Variants in SEMA3E observed in about 807,000 individuals in gnomAD.
SEMA3E encodes semaphorin 3E.
In SEMA3E, 49 loss-of-function variants were observed where a neutral mutation model predicts 93.6. The observed-to-expected ratio is 0.52, with a 90% confidence interval of 0.42 to 0.66. The LOEUF is 0.66. Among genes scored for constraint, SEMA3E ranks in the 30% least tolerant of loss-of-function variants. The pLI, the probability that SEMA3E is intolerant of heterozygous loss-of-function variation, is 0.00. For missense variants in SEMA3E, 906 were observed against 964.8 expected, an observed-to-expected ratio of 0.94 and a Z score of 0.81; for synonymous variants, 363 against 330.7, an observed-to-expected ratio of 1.10 and a Z score of -1.06.
chr7:83,526,575 T>C (rs1791165016), intron 1 of SEMA3E, among the ~76,000 whole-genome samples: 1 of 152,086 alleles, frequency 6.6e-6, no homozygotes, highest in Non-Finnish European at 1.5e-5. Context: ...GGAGATTCCA[T>C]GGAACAAATC....
In SEMA3E at chr7:83,648,517, GTGATAA is replaced by G; in HGVS notation, c.20_25del (p.Ile7_Ile8del). The G allele has an allele frequency of 6.2e-7, 1 of 1,613,484 alleles. No homozygotes were observed. Among genetic ancestry groups the G allele is most frequent in the East Asian group, 2.2e-5 (1 of 44,802 alleles). ...CAGTAAGTAACCCCACAGGAGCAAG[GTGATAA>G]TGTGCCCCGCGGATGCCATGCTGCC... is the stretch of plus-strand genomic sequence containing the variant. On this transcript the variant is annotated inframe_deletion, in exon 1 of 17. Coordinates refer to ENST00000643230, the MANE Select transcript of SEMA3E (RefSeq NM_012431.3).
At chr7:83,439,545 T>C (rs764196800) in intron 4 of SEMA3E, among the ~76,000 whole-genome samples, 3 of 152,322 alleles carry the variant, frequency 2.0e-5, no homozygotes, top group Non-Finnish European at 2.9e-5. Flanking sequence ...TCTTATACAG[T>C]TAAAGAAGAA....
intron 4 of SEMA3E, among the ~76,000 whole-genome samples, chr7:83,437,341 T>C (rs547240047): frequency 1.2e-4 from 18 of 152,158 alleles, no homozygotes; most frequent in African/African-American, 4.3e-4. Context: ...ACAATTAAAG[T>C]AATTAAAAAA....
At chr7:83,563,349 C>T (rs1792076645) in intron 1 of SEMA3E, among the ~76,000 whole-genome samples, 1 of 152,126 alleles carries the variant, frequency 6.6e-6, no homozygotes, top group South Asian at 2.1e-4. Context: ...TATTATTTTG[C>T]CATTGCTTTA....
At chr7:83,375,533 A>G (rs902211238) in intron 16 of SEMA3E, among the ~76,000 whole-genome samples, 1 of 152,232 alleles carries the variant, frequency 6.6e-6, no homozygotes, top group East Asian at 1.9e-4. Flanking sequence ...CTTCATGCAC[A>G]CGCATATTTT....
At chr7:83,593,712 T>C (rs1792808837) in intron 1 of SEMA3E, among the ~76,000 whole-genome samples, 1 of 151,890 alleles carries the variant, frequency 6.6e-6, no homozygotes, top group Non-Finnish European at 1.5e-5. Context: ...ATTTGGGCAG[T>C]CAAGGTTTAT....
intron 1 of SEMA3E, among the ~76,000 whole-genome samples, chr7:83,560,141 GAT>G (rs796094248): frequency 1.3e-5 from 2 of 152,076 alleles, no homozygotes; most frequent in African/African-American, 4.8e-5. Context: ...TAACACAATG[GAT>G]ATATGTCATC....
chr7:83,548,047 C>T (rs968662187), intron 1 of SEMA3E, among the ~76,000 whole-genome samples: 1 of 152,080 alleles, frequency 6.6e-6, no homozygotes. Context: ...AAGGTGGGCA[C>T]ATGAACCAGA....
chr7:83,417,971 T>C (rs952739007), intron 5 of SEMA3E, among the ~76,000 whole-genome samples: 16 of 152,158 alleles, frequency 1.1e-4, no homozygotes, highest in Non-Finnish European at 1.5e-5. Flanking sequence ...TGAATTCTAC[T>C]AATAACAGAG....
chr7:83,369,936 T>A (rs1364668059), intron 16 of SEMA3E, among the ~76,000 whole-genome samples: 1 of 152,146 alleles, frequency 6.6e-6, no homozygotes, highest in Non-Finnish European at 1.5e-5. Context: ...TGTTTTAAAA[T>A]TTATCGCTGC....
chr7:83,368,534 G>T (rs2116893359), intron 16 of SEMA3E, among the ~76,000 whole-genome samples: 1 of 152,170 alleles, frequency 6.6e-6, no homozygotes, highest in South Asian at 2.1e-4. Flanking sequence ...TTGGAGAACT[G>T]GGCTCCTTTC....
At chr7:83,547,271 C>G (rs1305674946) in intron 1 of SEMA3E, among the ~76,000 whole-genome samples, 2 of 152,092 alleles carry the variant, frequency 1.3e-5, no homozygotes, top group Non-Finnish European at 2.9e-5. Context: ...AGTCAGACAT[C>G]ACAGTTGATG....
chr7:83,424,229 A>G (rs945506520), intron 4 of SEMA3E, among the ~76,000 whole-genome samples: 6 of 152,180 alleles, frequency 3.9e-5, no homozygotes, highest in Non-Finnish European at 8.8e-5. Context: ...GAATATTGTA[A>G]TGTGTATTTT....
intron 1 of SEMA3E, among the ~76,000 whole-genome samples, chr7:83,597,300 A>G (rs1484528066): frequency 6.6e-6 from 1 of 152,112 alleles, no homozygotes; most frequent in Non-Finnish European, 1.5e-5. Flanking sequence ...GTCTCTGGTT[A>G]TTGTAGTTCT....
chr7:83,598,733 A>T (rs1792925453), intron 1 of SEMA3E, among the ~76,000 whole-genome samples: 1 of 152,164 alleles, frequency 6.6e-6, no homozygotes, highest in Non-Finnish European at 1.5e-5. Flanking sequence ...CCCCACTAAG[A>T]TATTTACCAC....
chr7:83,571,279 C>T (rs2115870097), intron 1 of SEMA3E, among the ~76,000 whole-genome samples: 1 of 152,244 alleles, frequency 6.6e-6, no homozygotes, highest in South Asian at 2.1e-4. Flanking sequence ...AAAAAGAAAA[C>T]TTCAGGCCCA....
At chr7:83,439,134 C>A (rs2115776381) in intron 4 of SEMA3E, among the ~76,000 whole-genome samples, 1 of 152,292 alleles carries the variant, frequency 6.6e-6, no homozygotes, top group African/African-American at 2.4e-5. Context: ...TTCTTCAGTT[C>A]TAAATCCCTT....
intron 4 of SEMA3E, among the ~76,000 whole-genome samples, chr7:83,436,200 G>T (rs533840296): frequency 6.6e-6 from 1 of 151,536 alleles, no homozygotes; most frequent in East Asian, 1.9e-4. Flanking sequence ...ACACACACAC[G>T]CATACATATA....
At chr7:83,641,653 G>A (rs1040604060) in intron 1 of SEMA3E, among the ~76,000 whole-genome samples, 11 of 152,126 alleles carry the variant, frequency 7.2e-5, no homozygotes, top group African/African-American at 2.7e-4. Flanking sequence ...GCTCCTTCTA[G>A]TTATCTACTC....
Sources: allele counts gnomAD v4.1 joint callset (sites outside exome capture counted in the v4.1 genomes callset), GRCh38; gene constraint gnomAD v4.1.1; transcripts MANE v1.5; gene names NCBI Gene and HGNC (gene_info 2026-07-23, HGNC 2026-07-21).